Variants in ENTPD1 observed in about 807,000 individuals in gnomAD.
The protein encoded by ENTPD1 is ATP diphosphohydrolase.
A neutral mutation model predicts 57.0 loss-of-function variants in ENTPD1; 33 were observed. The observed-to-expected ratio is 0.58, with a 90% CI of 0.44 to 0.77. The LOEUF (loss-of-function observed/expected upper bound fraction) is 0.77. Among genes scored for constraint, ENTPD1 ranks in the 30% least tolerant of loss-of-function variants. The probability of loss-of-function intolerance (pLI) is 0.00; values close to 1 mark genes in which losing one functional copy is unlikely to be tolerated. For synonymous variants in ENTPD1, 202 were observed against 218.8 expected, an observed-to-expected ratio of 0.92 and a Z score of 0.68; for missense variants, 501 against 603.4, an observed-to-expected ratio of 0.83 and a Z score of 1.78.
chr10:95,875,869 GC>G lies in ENTPD1; in HGVS notation c.*9491del, dbSNP rs1302345361. On this transcript the variant is annotated 3_prime_UTR_variant, in exon 10 of 10. Coordinates refer to ENST00000371205, the MANE Select transcript of ENTPD1 (RefSeq NM_001776.6). ...CACAAGAATAGCATGGGAAAGACCA[GC>G]CCCCTTGATTCAATTACCTCCCCCT... 1 of 477,142 alleles carries G rather than the reference GC, an allele frequency of 2.1e-6. No homozygotes were observed. Among genetic ancestry groups the G allele is most frequent in the African/African-American group, 2.1e-5 (1 of 47,518 alleles). The allele number at this position is 477,142 out of a possible 1,614,324, so 29.6% of individuals were successfully genotyped here.
intron 3 of ENTPD1, 73 bp from the exon 4 acceptor site, chr10:95,842,271 T>C (rs1315612850): frequency 4.4e-6 from 6 of 1,372,450 alleles, no homozygotes; most frequent in Non-Finnish European, 5.1e-6. Flanking sequence ...ACACCATATT[T>C]TGATCTACTA....
Position 95,844,537 on chromosome 10 carries a change from T to G in ENTPD1, c.475T>G (p.Tyr159Asp). 6.2e-7 allele frequency: 1 copy of G among 1,614,230 alleles called. No homozygotes were observed. The highest frequency in any genetic ancestry group is 8.5e-7 in the Non-Finnish European group (1 of 1,180,024). Residue 159 changes from tyrosine (Y) to aspartate (D), a missense_variant, in exon 5 of 10, where the codon TAC becomes GAC. Transcript: ENST00000371205. ...TGTGGTGGAGAGGAGCCTCAGCAAC[T>G]ACCCCTTTGACTTCCAGGGTGCCAG... ...LDVVERSLSNYPFDFQGARII... is the reference protein window; with the variant it reads ...LDVVERSLSNDPFDFQGARII...
At chr10:95,714,205 G>A (rs1280748523) in intron 1 of ENTPD1, among the ~76,000 whole-genome samples, 1 of 152,150 alleles carries the variant, frequency 6.6e-6, no homozygotes, top group Non-Finnish European at 1.5e-5. Context: ...TGGCTACTTG[G>A]GAGGCTGAGG....
At position 95,845,292 on chromosome 10, in the gene ENTPD1, A is replaced by G. The variant is rs2098432689; in HGVS notation, c.574-65A>G. 3.1e-6 allele frequency: 5 copies of G among 1,610,966 alleles called. No individual in the cohort carries two copies. In the Admixed American group the frequency reaches 8.3e-5, roughly 27 times the overall value. ...TTTGCCTTAGGAAATCCCTGACTCC[A>G]ATAGATACTATGAAAAGCAGGGTGT... On this transcript the variant is annotated intron_variant, in intron 5 of 9. Transcript: ENST00000371205.
rs543527862 is a variant in ENTPD1, at chr10:95,851,263, T to C, written c.1074+3557T>C. The stretch of plus-strand genomic sequence containing the variant: ...ATATTTATATTTATTTATATTTATA[T>C]TTTTGTTGGTACAAAAGTAATTGTG... On this transcript the variant is annotated intron_variant, in intron 7 of 9. Transcript: ENST00000371205. Among the ~76,000 whole-genome samples, 3 of 151,980 alleles carry C rather than the reference T, an allele frequency of 2.0e-5. No individual in the cohort carries two copies. The South Asian group carries it at 6.2e-4, about 31-fold the overall frequency.
chr10:95,842,443 A>G lies in ENTPD1; in HGVS notation c.362A>G (p.His121Arg), dbSNP rs752354032. The change falls in exon 4 of 10, where the codon CAC becomes CGC. Residue 121 changes from histidine to arginine, a missense_variant. Coordinates refer to ENST00000371205, the MANE Select transcript of ENTPD1 (RefSeq NM_001776.6). The stretch of plus-strand genomic sequence containing the variant: ...AGGGAAGTGATTCCAAGGTCCCAGC[A>G]CCAAGAGACACCCGTTTACCTGGGA... ...RAREVIPRSQ[H>R]QETPVYLGAT... The G allele has an allele frequency of 6.2e-7, 1 of 1,614,124 alleles. No homozygotes were observed. Among genetic ancestry groups the G allele is most frequent in the Non-Finnish European group, 8.5e-7 (1 of 1,180,012 alleles).
At chr10:95,737,219 G>A (rs958497653) in intron 1 of ENTPD1, among the ~76,000 whole-genome samples, 15 of 150,978 alleles carry the variant, frequency 9.9e-5, no homozygotes, top group Non-Finnish European at 1.8e-4. Context: ...TGTGGAGCTC[G>A]TCTAGTGGGG....
chr10:95,712,181 T>C (rs2097966324), intron 1 of ENTPD1, among the ~76,000 whole-genome samples: 1 of 152,216 alleles, frequency 6.6e-6, no homozygotes, highest in South Asian at 2.1e-4. Context: ...ATATTCACAT[T>C]GTTCGGTCCC....
intron 1 of ENTPD1, among the ~76,000 whole-genome samples, chr10:95,735,216 A>G (rs2139860200): frequency 6.6e-6 from 1 of 152,076 alleles, no homozygotes; most frequent in South Asian, 2.1e-4. Context: ...TTTTTAGTAG[A>G]GACGGGGTTT....
chr10:95,785,489 C>T (rs2140221705), intron 1 of ENTPD1, among the ~76,000 whole-genome samples: 1 of 152,308 alleles, frequency 6.6e-6, no homozygotes, highest in Middle Eastern at 3.4e-3. Context: ...GTTGTTGGAA[C>T]AATCTGTTGT....
At position 95,860,060 on chromosome 10, in the gene ENTPD1, G is replaced by GA. The variant is rs2098462731; in HGVS notation, c.1075-403dup. 2.6e-5 allele frequency among the ~76,000 whole-genome samples: 4 copies of GA among 152,072 alleles called. 1 individual carries two copies. The South Asian group carries it at 8.3e-4, about 32-fold the overall frequency. ...AATAGGCAAAAAATAAGCACAAGGG[G>GA]AAAAAACCAATTTCGCTACTCAGAG... On this transcript the variant is annotated intron_variant, in intron 7 of 9. Coordinates refer to ENST00000371205, the MANE Select transcript of ENTPD1 (RefSeq NM_001776.6).
rs1026990080 is a variant in ENTPD1, at chr10:95,867,977, G to A, written c.*1594G>A. On this transcript the variant is annotated 3_prime_UTR_variant, in exon 10 of 10. Transcript: ENST00000371205. ...AGATCTTGATTAGGAATCAAAATTC[G>A]AATTGGGACATGTTCAAATTCTTTC... 9 of 985,426 alleles carry A rather than the reference G, an allele frequency of 9.1e-6. No homozygotes were observed. The highest frequency in any genetic ancestry group is 1.1e-4 in the East Asian group (1 of 8,820). 61.0% of individuals were successfully genotyped at this position (985,426 alleles called of 1,614,324 possible).
Position 95,713,033 on chromosome 10 carries a change from TAA to T in ENTPD1, c.37+1058_37+1059del, listed in dbSNP as rs1555272407. Among the ~76,000 whole-genome samples, 187 of 142,972 alleles carry T rather than the reference TAA, an allele frequency of 1.3e-3. 3 individuals are homozygous for T. The highest frequency in any genetic ancestry group is 1.4e-3 in the Non-Finnish European group (93 of 66,104). 93.8% of individuals were successfully genotyped at this position (142,972 alleles called of 152,430 possible). A position where few individuals can be genotyped will look rare whatever the true frequency, so the allele number is the denominator to read the frequency against. Reference sequence around the variant, plus strand: ...TGGGCGACAGAGCGAGATTCTGTCTTAAAAAAAAAAAAAAAAAAATAGGCTGT... The same window carrying T: ...TGGGCGACAGAGCGAGATTCTGTCTTAAAAAAAAAAAAAAAAATAGGCTGT... On this transcript the variant is annotated intron_variant, in intron 1 of 9. Coordinates refer to the ENTPD1 transcript ENST00000453258.
At chr10:95,770,496 A>G (rs760945016) in intron 1 of ENTPD1, among the ~76,000 whole-genome samples, 3 of 152,176 alleles carry the variant, frequency 2.0e-5, no homozygotes, top group Non-Finnish European at 4.4e-5. Flanking sequence ...AGGGATGGAA[A>G]TATTTACAGA....
intron 1 of ENTPD1, among the ~76,000 whole-genome samples, chr10:95,721,360 C>A (rs1002491125): frequency 3.3e-5 from 5 of 152,192 alleles, no homozygotes; most frequent in African/African-American, 1.2e-4. Context: ...GAATCATTCT[C>A]TTTCCTCTGT....
At chr10:95,829,496 T>C (rs529323190) in intron 2 of ENTPD1, among the ~76,000 whole-genome samples, 2 of 152,268 alleles carry the variant, frequency 1.3e-5, no homozygotes, top group Admixed American at 1.3e-4. Flanking sequence ...AATAGAGAGA[T>C]AAGGAGATAC....
rs1420339453 is a variant in ENTPD1, at chr10:95,810,074, G to T, written c.17-13163G>T. 2.2e-5 allele frequency among the ~76,000 whole-genome samples: 3 copies of T among 135,886 alleles called. No individual in the cohort carries two copies. In the Admixed American group the frequency reaches 2.2e-4, roughly 10 times the overall value. 89.1% of individuals were successfully genotyped at this position (135,886 alleles called of 152,430 possible). ...TCACTTCCCAGACAGGGTCGCGGTC[G>T]GGCAGAGGCACTCCTCACCTCCCGG... is the stretch of plus-strand genomic sequence containing the variant. On this transcript the variant is annotated intron_variant, in intron 1 of 9. Transcript: ENST00000371205.
chr10:95,730,221 GTT>G (rs144221478), intron 1 of ENTPD1, among the ~76,000 whole-genome samples: 1 of 141,072 alleles, frequency 7.1e-6, no homozygotes, highest in Non-Finnish European at 1.6e-5. Flanking sequence ...GTGTTCTTTT[GTT>G]TTTTTTTTTT....
In ENTPD1 at chr10:95,872,388, C is replaced by T. The variant is rs2098481471; in HGVS notation, c.*6005C>T. 1.0e-6 allele frequency: 1 copy of T among 985,332 alleles called. No individual in the cohort carries two copies. The allele number at this position is 985,332 out of a possible 1,614,324, so 61.0% of individuals were successfully genotyped here. A position where few individuals can be genotyped will look rare whatever the true frequency, so the allele number is the denominator to read the frequency against. Reference sequence around the variant, plus strand: ...CTGATGTTTCCTACACTACACTACACTATACTACACTACAGCCAGGTAGAA... The same window carrying T: ...CTGATGTTTCCTACACTACACTACATTATACTACACTACAGCCAGGTAGAA... On this transcript the variant is annotated 3_prime_UTR_variant, in exon 10 of 10. Transcript: ENST00000371205.
Sources: gnomAD v4.1 joint callset for allele counts (sites outside exome capture counted in the v4.1 genomes callset) on GRCh38, gnomAD v4.1.1 for gene constraint, MANE v1.5 for transcripts, NCBI Gene and HGNC (gene_info 2026-07-23, HGNC 2026-07-21) for gene names.